SSPN: variants seen among roughly 807,000 people sequenced by gnomAD.
The protein encoded by SSPN is K-ras oncogene-associated protein.
A neutral mutation model predicts 19.1 loss-of-function variants in SSPN; 15 were observed. The observed-to-expected ratio is 0.78, with a 90% CI of 0.52 to 1.21. SSPN has a LOEUF of 1.21. Ranked by LOEUF, SSPN falls within the 50% of genes most tolerant of loss-of-function variation. The pLI, the probability that SSPN is intolerant of heterozygous loss-of-function variation, is 0.00. For missense variants in SSPN, 291 were observed against 314.0 expected (o/e 0.93, Z 0.55); for synonymous variants, 147 against 140.3 (o/e 1.05, Z -0.34).
At chr12:26,123,675 C>G in intron 1 of SSPN, 2 of 1,614,038 alleles carry the variant, frequency 1.2e-6, no homozygotes, top group Non-Finnish European at 1.7e-6. Flanking sequence ...TCGGTTAAGG[C>G]GGTTAAAGCT....
At chr12:26,143,144 A>T (rs184194488) in intron 1 of SSPN, among the ~76,000 whole-genome samples, 1 of 152,212 alleles carries the variant, frequency 6.6e-6, no homozygotes, top group Non-Finnish European at 1.5e-5. Flanking sequence ...AATATAGCAG[A>T]TATTTTGGAA....
chr12:26,205,300 T>G (rs1166702323), intron 1 of SSPN, among the ~76,000 whole-genome samples: 1 of 152,192 alleles, frequency 6.6e-6, no homozygotes, highest in African/African-American at 2.4e-5. Context: ...TAAAAACCCC[T>G]TTAAGATATG....
chr12:26,191,694 ACACACACACACACACACACACAC>A (rs1355322772), upstream of SSPN, among the ~76,000 whole-genome samples: 1 of 69,426 alleles, frequency 1.4e-5, no homozygotes, highest in African/African-American at 8.9e-5. Flanking sequence ...ACACACACAC[ACACACACACACACACACACACAC>A]AAATACACAC....
chr12:26,129,237 C>T (rs1298008928), intron 1 of SSPN, among the ~76,000 whole-genome samples: 3 of 152,190 alleles, frequency 2.0e-5, no homozygotes. Flanking sequence ...TTCTTGATCA[C>T]CTCTGTTTTA....
At chr12:26,128,184 C>A (rs562902490) in intron 1 of SSPN, among the ~76,000 whole-genome samples, 159 of 152,254 alleles carry the variant, frequency 1.0e-3, no homozygotes, top group South Asian at 3.5e-3. Context: ...TAACTAGCTG[C>A]TTCAGGGATG....
intron 1 of SSPN, among the ~76,000 whole-genome samples, chr12:26,135,554 C>T (rs958503190): frequency 6.6e-6 from 1 of 152,166 alleles, no homozygotes; most frequent in African/African-American, 2.4e-5. Flanking sequence ...GTCAGTCAGT[C>T]GTGCCCTTGA....
upstream of SSPN, among the ~76,000 whole-genome samples, chr12:26,192,489 G>A (rs1591871349): frequency 1.3e-5 from 2 of 152,170 alleles, no homozygotes; most frequent in Admixed American, 6.6e-5. Flanking sequence ...CTTAATGACA[G>A]TCTTATCTAT....
chr12:26,191,677 TACACACACACACACACACAC>T (rs10525695), upstream of SSPN, among the ~76,000 whole-genome samples: 19 of 149,122 alleles, frequency 1.3e-4, no homozygotes, highest in South Asian at 4.3e-4. Context: ...TAATTTGTTC[TACACACACACACACACACAC>T]ACACACACAC....
At chr12:26,137,656 A>ATATATTTT (rs1377562695) in intron 1 of SSPN, among the ~76,000 whole-genome samples, 8 of 76,438 alleles carry the variant, frequency 1.0e-4, no homozygotes, top group African/African-American at 2.6e-4. Context: ...ATATATATAT[A>ATATATTTT]TTTTTTTTTT....
At chr12:26,169,714 CT>C (rs1944643177) in intron 1 of SSPN, among the ~76,000 whole-genome samples, 1 of 152,090 alleles carries the variant, frequency 6.6e-6, no homozygotes, top group East Asian at 1.9e-4. Context: ...AAGCCTGGCC[CT>C]TCTGATCCAA....
At chr12:26,202,723 G>A (rs968189191) in intron 1 of SSPN, among the ~76,000 whole-genome samples, 37 of 152,152 alleles carry the variant, frequency 2.4e-4, no homozygotes, top group Non-Finnish European at 4.7e-4. Flanking sequence ...ATTAAGGATG[G>A]TCTTTCACTG....
chr12:26,179,176 G>A (rs1248423219), intron 1 of SSPN, among the ~76,000 whole-genome samples: 1 of 152,194 alleles, frequency 6.6e-6, no homozygotes, highest in Non-Finnish European at 1.5e-5. Context: ...CGGGAAGAGG[G>A]GAGAAGAGCA....
In SSPN at chr12:26,156,943, C is replaced by A. The variant is rs1944559328; in HGVS notation, c.-31+34791C>A. On this transcript the variant is annotated intron_variant, in intron 1 of 2. Coordinates refer to the SSPN transcript ENST00000538142. ...AGAATCCAGGTGTCTGACTCCAAATCTAGTGTGTGGAACACTGTACCATTT... is the reference window on the plus strand; with the variant it reads ...AGAATCCAGGTGTCTGACTCCAAATATAGTGTGTGGAACACTGTACCATTT... Among the ~76,000 whole-genome samples, 4 of 152,320 alleles carry A rather than the reference C, an allele frequency of 2.6e-5. No homozygotes were observed. In the South Asian group the frequency reaches 8.3e-4, roughly 32 times the overall value.
At chr12:26,221,662 C>G (rs867310335) in intron 1 of SSPN, among the ~76,000 whole-genome samples, 2 of 152,168 alleles carry the variant, frequency 1.3e-5, no homozygotes, top group Non-Finnish European at 2.9e-5. Context: ...TTTTAAGGTG[C>G]TAGTTAGGCC....
rs1945243930 is a variant in SSPN at position 26,232,466 on chromosome 12, T to C, written c.*1390T>C. 1.0e-6 allele frequency: 1 copy of C among 985,328 alleles called. No homozygotes were observed. Among genetic ancestry groups the C allele is most frequent in the African/African-American group, 1.7e-5 (1 of 57,246 alleles). The allele number at this position is 985,328 out of a possible 1,614,324, so 61.0% of individuals were successfully genotyped here. ...GAAACATAAATGGTATCAAGAACTT[T>C]ATCAGTATGCTTTGTTGAAAGCAGA... On this transcript the variant is annotated 3_prime_UTR_variant, in exon 3 of 3. Transcript: ENST00000242729.
At chr12:26,208,014 G>T (rs1375304390) in intron 1 of SSPN, among the ~76,000 whole-genome samples, 2 of 106,006 alleles carry the variant, frequency 1.9e-5, no homozygotes, top group Non-Finnish European at 4.1e-5. Context: ...GAAAGTGGTG[G>T]TGGTGGGGGG....
chr12:26,211,481 T>C (rs974854292), intron 1 of SSPN: 1 of 152,228 alleles, frequency 6.6e-6, no homozygotes, highest in African/African-American at 2.4e-5. Flanking sequence ...TTGGAACTTT[T>C]GAATTGTAGT....
intron 1 of SSPN, among the ~76,000 whole-genome samples, chr12:26,205,488 C>T (rs1306822538): frequency 6.6e-6 from 1 of 152,144 alleles, no homozygotes; most frequent in Non-Finnish European, 1.5e-5. Flanking sequence ...GTGTGGCATG[C>T]ATATCAGGCC....
intron 2 of SSPN, among the ~76,000 whole-genome samples, chr12:26,226,305 G>T (rs1161524098): frequency 3.3e-5 from 5 of 152,138 alleles, no homozygotes; most frequent in Non-Finnish European, 7.4e-5. Flanking sequence ...TTCATAGGGC[G>T]TTTCTCATCA....
Sources: allele counts gnomAD v4.1 joint callset (sites outside exome capture counted in the v4.1 genomes callset), GRCh38; gene constraint gnomAD v4.1.1; transcripts MANE v1.5; gene names NCBI Gene and HGNC (gene_info 2026-07-23, HGNC 2026-07-21).